The following CSMD1 variants were observed in gnomAD, a reference collection of about 807,000 sequenced individuals.
CSMD1 encodes the protein CUB and sushi domain-containing protein 1.
CSMD1 carries 213 observed loss-of-function variants against 417.5 expected under a neutral mutation model. The ratio of observed to expected loss-of-function variants is 0.51; its 90% CI spans 0.46 to 0.57. The LOEUF (loss-of-function observed/expected upper bound fraction) is 0.57. Among genes scored for constraint, CSMD1 ranks in the 20% least tolerant of loss-of-function variants. CSMD1 has a pLI of 0.00. For synonymous variants in CSMD1, 2,862 were observed against 1,736.8 expected (o/e 1.65, Z -16.11); for missense variants, 6,923 against 4,529.7 (o/e 1.53, Z -15.17).
chr8:4,239,881 T>C (rs1175569347), intron 3 of CSMD1, among the ~76,000 whole-genome samples: 2 of 152,244 alleles, frequency 1.3e-5, no homozygotes, highest in Admixed American at 1.3e-4. Flanking sequence ...ATCCTTATCC[T>C]TTGCAGCATT....
rs188738746 is a variant in CSMD1 at position 4,402,102 on chromosome 8, G to A, written c.415+17851C>T. Reference sequence around the variant, plus strand: ...TTTGTTCTCAACCTCCTCCCCTTCCGATGAACTTGTCTTCCATTCTCTTTC... The same window carrying A: ...TTTGTTCTCAACCTCCTCCCCTTCCAATGAACTTGTCTTCCATTCTCTTTC... On this transcript the variant is annotated intron_variant, in intron 3 of 69. Transcript: ENST00000635120. Among the ~76,000 whole-genome samples, 399 of 152,090 alleles carry A rather than the reference G, an allele frequency of 2.6e-3. 3 individuals carry two copies. Among genetic ancestry groups the A allele is most frequent in the Middle Eastern group, 6.8e-3 (2 of 294 alleles).
rs139004959 is a variant in CSMD1 at position 4,032,573 on chromosome 8, C to A, written c.416-474G>T. 2.1e-4 allele frequency among the ~76,000 whole-genome samples: 32 copies of A among 152,220 alleles called. No homozygotes were observed. The East Asian group carries it at 6.0e-3, about 29-fold the overall frequency. On this transcript the variant is annotated intron_variant, in intron 3 of 69. Transcript: ENST00000635120. ...GTACAGTGTCTGTTACACATCATTA[C>A]CCAACGCTCAATCAACATTTGATGG... is the stretch of plus-strand genomic sequence containing the variant.
intron 3 of CSMD1, among the ~76,000 whole-genome samples, chr8:4,338,652 T>C (rs1800307386): frequency 6.6e-6 from 1 of 152,130 alleles, no homozygotes; most frequent in Non-Finnish European, 1.5e-5. Flanking sequence ...TCATAAAATG[T>C]GCTCACGGGT....
intron 23 of CSMD1, among the ~76,000 whole-genome samples, chr8:3,323,731 C>G (rs1196077478): frequency 2.0e-5 from 3 of 150,980 alleles, no homozygotes; most frequent in Non-Finnish European, 4.4e-5. Flanking sequence ...CCCCAGAGAC[C>G]CAGGAGGGAA....
intron 35 of CSMD1, among the ~76,000 whole-genome samples, chr8:3,188,216 GTCTA>G (rs71199541): frequency 6.3e-5 from 9 of 142,696 alleles, no homozygotes; most frequent in African/African-American, 2.1e-4. Context: ...TCATCTACAT[GTCTA>G]TCTATCTATA....
chr8:3,937,518 T>C (rs186575947), intron 5 of CSMD1, among the ~76,000 whole-genome samples: 354 of 152,116 alleles, frequency 2.3e-3, no homozygotes, highest in African/African-American at 8.1e-3. Context: ...GTTTAGATGA[T>C]TGTACATGTT....
At chr8:3,960,541 T>A (rs1409618662) in intron 5 of CSMD1, among the ~76,000 whole-genome samples, 2 of 152,158 alleles carry the variant, frequency 1.3e-5, no homozygotes, top group Non-Finnish European at 2.9e-5. Context: ...GTGTGCCAAT[T>A]AGGAAAGCAT....
At chr8:3,928,487 T>G (rs1159108646) in intron 5 of CSMD1, among the ~76,000 whole-genome samples, 1 of 151,318 alleles carries the variant, frequency 6.6e-6, no homozygotes, top group African/African-American at 2.4e-5. Flanking sequence ...AAAATGCAGT[T>G]AAGTGGAACA....
At chr8:4,887,044 C>G (rs1019397280) in intron 1 of CSMD1, among the ~76,000 whole-genome samples, 3 of 151,902 alleles carry the variant, frequency 2.0e-5, no homozygotes, top group Non-Finnish European at 4.4e-5. Flanking sequence ...TAATCCATTT[C>G]CAATGTGCTA....
At chr8:3,733,632 T>G (rs548932432) in intron 6 of CSMD1, among the ~76,000 whole-genome samples, 1 of 151,966 alleles carries the variant, frequency 6.6e-6, no homozygotes, top group South Asian at 2.1e-4. Flanking sequence ...CCCGAATCAT[T>G]CCTCTGTCCA....
intron 10 of CSMD1, among the ~76,000 whole-genome samples, chr8:3,515,046 T>C (rs1179962983): frequency 1.3e-5 from 2 of 152,206 alleles, no homozygotes; most frequent in African/African-American, 2.4e-5. Flanking sequence ...ATCGACTATA[T>C]TCGACATCTA....
chr8:3,489,094 T>A (rs1351585138), intron 11 of CSMD1, among the ~76,000 whole-genome samples: 1 of 152,208 alleles, frequency 6.6e-6, no homozygotes, highest in Non-Finnish European at 1.5e-5. Flanking sequence ...TAGTGTCTGC[T>A]TTTTAATGGC....
intron 3 of CSMD1, among the ~76,000 whole-genome samples, chr8:4,252,254 G>T (rs924283640): frequency 2.0e-5 from 3 of 152,206 alleles, no homozygotes; most frequent in Admixed American, 6.5e-5. Context: ...CCTGGCTTCA[G>T]CCTTCTGCCC....
intron 10 of CSMD1, among the ~76,000 whole-genome samples, chr8:3,529,792 GCAA>G (rs1797902343): frequency 6.6e-6 from 1 of 151,968 alleles, no homozygotes; most frequent in South Asian, 2.1e-4. Flanking sequence ...CCTCTTCTGA[GCAA>G]TCCCTCCTGG....
At chr8:3,422,172 T>G (rs976824756) in intron 12 of CSMD1, among the ~76,000 whole-genome samples, 5 of 152,170 alleles carry the variant, frequency 3.3e-5, no homozygotes, top group Non-Finnish European at 5.9e-5. Flanking sequence ...TGAAACTTAG[T>G]TTCACTTATT....
intron 3 of CSMD1, among the ~76,000 whole-genome samples, chr8:4,300,776 C>T (rs557098291): frequency 6.6e-6 from 1 of 152,132 alleles, no homozygotes; most frequent in African/African-American, 2.4e-5. Flanking sequence ...TGGGTGAGAA[C>T]ATGCAGTGTT....
At chr8:4,641,555 A>G (rs1239737542) in intron 1 of CSMD1, among the ~76,000 whole-genome samples, 8 of 152,288 alleles carry the variant, frequency 5.3e-5, no homozygotes, top group African/African-American at 1.9e-4. Context: ...ACAAGGATGG[A>G]AGAACAAGTG....
At chr8:3,805,283 G>A (rs929124953) in intron 5 of CSMD1, among the ~76,000 whole-genome samples, 1 of 152,136 alleles carries the variant, frequency 6.6e-6, no homozygotes, top group African/African-American at 2.4e-5. Context: ...CATCGCAGAG[G>A]AAGGAGCCAC....
At chr8:4,056,835 T>G (rs577058967) in intron 3 of CSMD1, among the ~76,000 whole-genome samples, 5 of 152,316 alleles carry the variant, frequency 3.3e-5, no homozygotes, top group Admixed American at 2.0e-4. Flanking sequence ...GATTTCCAAT[T>G]TCATCCATGT....
Sources: allele counts gnomAD v4.1 joint callset (sites outside exome capture counted in the v4.1 genomes callset), GRCh38; gene constraint gnomAD v4.1.1; transcripts MANE v1.5; gene names NCBI Gene and HGNC (gene_info 2026-07-23, HGNC 2026-07-21).